Variants in ZMAT4 observed in about 807,000 individuals in gnomAD.
ZMAT4 encodes the protein zinc finger matrin-type 4, also known as zinc finger matrin-type protein 4.
Under a neutral mutation model 28.7 loss-of-function variants are expected in ZMAT4, and 17 were observed. The ratio of observed to expected loss-of-function variants is 0.59; its 90% CI spans 0.41 to 0.89. The LOEUF is 0.89. ZMAT4 is among the 40% of genes least tolerant of loss of function. ZMAT4 has a pLI of 0.00. For missense variants in ZMAT4, 240 were observed against 283.8 expected (o/e 0.85, Z 1.11); for synonymous variants, 117 against 109.2 (o/e 1.07, Z -0.44).
At chr8:40,792,199 T>C (rs950257369) in intron 2 of ZMAT4, among the ~76,000 whole-genome samples, 4 of 152,158 alleles carry the variant, frequency 2.6e-5, no homozygotes, top group African/African-American at 9.6e-5. Flanking sequence ...TTGAACCATA[T>C]GAAACTACTA....
intron 1 of ZMAT4, among the ~76,000 whole-genome samples, chr8:40,832,329 G>A (rs1013760558): frequency 6.6e-6 from 1 of 152,146 alleles, no homozygotes; most frequent in Non-Finnish European, 1.5e-5. Context: ...GCTGGGATGG[G>A]CTAACATCTG....
chr8:40,756,448 A>ATATATATATATATATG (rs1812692191), intron 3 of ZMAT4, among the ~76,000 whole-genome samples: 1 of 127,924 alleles, frequency 7.8e-6, no homozygotes. Flanking sequence ...ATATATATAT[A>ATATATATATATATATG]TATATATATA....
At position 40,581,649 on chromosome 8, in the gene ZMAT4, A is replaced by T. The variant is rs186167047; in HGVS notation, c.578-388T>A. ...AAAAACTCTATCCTAATTCCTTTCC[A>T]CTCTACTCCAATGACAGCATTGAAA... On this transcript the variant is annotated intron_variant, in intron 5 of 6. Transcript: ENST00000297737. 1.4e-3 allele frequency among the ~76,000 whole-genome samples: 208 copies of T among 152,140 alleles called. 1 individual carries two copies. Among genetic ancestry groups the T allele is most frequent in the Non-Finnish European group, 2.7e-3 (185 of 68,008 alleles).
At chr8:40,593,889 G>C (rs990493633) in intron 5 of ZMAT4, among the ~76,000 whole-genome samples, 1 of 152,052 alleles carries the variant, frequency 6.6e-6, no homozygotes, top group African/African-American at 2.4e-5. Flanking sequence ...GAGACACATC[G>C]CTTACAGCAG....
chr8:40,681,751 A>G (rs892137741), intron 4 of ZMAT4, among the ~76,000 whole-genome samples: 20 of 152,232 alleles, frequency 1.3e-4, no homozygotes, highest in African/African-American at 4.3e-4. Context: ...TAAATATTAT[A>G]GCTAAACATT....
At chr8:40,658,343 G>A (rs1808020399) in intron 5 of ZMAT4, among the ~76,000 whole-genome samples, 1 of 152,076 alleles carries the variant, frequency 6.6e-6, no homozygotes, top group Non-Finnish European at 1.5e-5. Flanking sequence ...ATGATACATT[G>A]TATAAACTTT....
At chr8:40,625,885 G>A (rs200848562) in intron 5 of ZMAT4, among the ~76,000 whole-genome samples, 1 of 152,156 alleles carries the variant, frequency 6.6e-6, no homozygotes, top group Non-Finnish European at 1.5e-5. Context: ...GCCAAGGCAG[G>A]TGGATCACCT....
At chr8:40,752,283 G>A (rs1812482942) in intron 3 of ZMAT4, among the ~76,000 whole-genome samples, 1 of 152,180 alleles carries the variant, frequency 6.6e-6, no homozygotes, top group Admixed American at 6.5e-5. Flanking sequence ...CTGTGTCCCT[G>A]TGTCCCTCTG....
intron 3 of ZMAT4, among the ~76,000 whole-genome samples, chr8:40,742,940 G>A (rs13264494): frequency 0.1 from 15,168 of 152,124 alleles, 935 homozygotes; most frequent in East Asian, 0.18. Flanking sequence ...GTCCCAGCAC[G>A]GTGGCTAATG....
chr8:40,624,969 T>A (rs1252606622), intron 5 of ZMAT4, among the ~76,000 whole-genome samples: 1 of 152,130 alleles, frequency 6.6e-6, no homozygotes, highest in African/African-American at 2.4e-5. Context: ...TGCTAAGGAC[T>A]ATGAAGAAGT....
intron 6 of ZMAT4, among the ~76,000 whole-genome samples, chr8:40,576,645 T>C (rs1166564845): frequency 6.6e-6 from 1 of 151,714 alleles, no homozygotes; most frequent in Non-Finnish European, 1.5e-5. Context: ...CAGACCAGCC[T>C]TACAAAAAAT....
At chr8:40,563,321 T>C (rs1803807665) in intron 6 of ZMAT4, among the ~76,000 whole-genome samples, 1 of 152,198 alleles carries the variant, frequency 6.6e-6, no homozygotes, top group African/African-American at 2.4e-5. Context: ...AAATGTTCTT[T>C]GATTATTTTC....
intron 3 of ZMAT4, among the ~76,000 whole-genome samples, chr8:40,747,784 A>C (rs1812299640): frequency 6.6e-6 from 1 of 152,186 alleles, no homozygotes; most frequent in African/African-American, 2.4e-5. Flanking sequence ...TAATTTGTTA[A>C]TTCTAGGATG....
At chr8:40,896,879 G>A (rs759828607) in intron 1 of ZMAT4, among the ~76,000 whole-genome samples, 8 of 152,064 alleles carry the variant, frequency 5.3e-5, no homozygotes, top group Non-Finnish European at 1.2e-4. Context: ...CCAGAGCTGC[G>A]GGGATGCTCC....
chr8:40,576,634 C>G (rs1407374221), intron 6 of ZMAT4, among the ~76,000 whole-genome samples: 2 of 151,384 alleles, frequency 1.3e-5, no homozygotes, highest in Non-Finnish European at 2.9e-5. Flanking sequence ...TTAATCATCA[C>G]CAGACCAGCC....
At chr8:40,725,177 T>C (rs1282279466) in intron 3 of ZMAT4, among the ~76,000 whole-genome samples, 1 of 151,524 alleles carries the variant, frequency 6.6e-6, no homozygotes, top group Non-Finnish European at 1.5e-5. Context: ...TAAGTGTGTT[T>C]ATTCCTGCTA....
intron 6 of ZMAT4, among the ~76,000 whole-genome samples, chr8:40,569,713 C>T (rs1267597074): frequency 6.6e-6 from 1 of 152,200 alleles, no homozygotes; most frequent in Non-Finnish European, 1.5e-5. Context: ...TCATAGCCAC[C>T]TGAACAGCCC....
intron 4 of ZMAT4, among the ~76,000 whole-genome samples, chr8:40,687,460 A>G (rs1256363281): frequency 6.6e-6 from 1 of 152,162 alleles, no homozygotes; most frequent in Non-Finnish European, 1.5e-5. Context: ...AGCCAATGAG[A>G]AAGAGTTAAA....
At chr8:40,795,329 T>C (rs1036649583) in intron 2 of ZMAT4, among the ~76,000 whole-genome samples, 5 of 152,070 alleles carry the variant, frequency 3.3e-5, no homozygotes, top group Non-Finnish European at 7.4e-5. Flanking sequence ...AAGACACAAA[T>C]ACAAACCTCA....
Sources: gnomAD v4.1 joint callset for allele counts (sites outside exome capture counted in the v4.1 genomes callset) on GRCh38, gnomAD v4.1.1 for gene constraint, MANE v1.5 for transcripts, NCBI Gene and HGNC (gene_info 2026-07-23, HGNC 2026-07-21) for gene names.